The following CACNB2 variants were observed in gnomAD, a reference collection of about 807,000 sequenced individuals.
CACNB2 encodes voltage-dependent L-type calcium channel subunit beta-2.
Under a neutral mutation model 73.3 loss-of-function variants are expected in CACNB2, and 42 were observed. The observed-to-expected ratio is 0.57, with a 90% confidence interval of 0.45 to 0.74. The LOEUF is 0.74. Ranked by LOEUF, CACNB2 falls within the 30% of genes least tolerant of loss-of-function variation. The probability of loss-of-function intolerance (pLI) is 0.00; values close to 1 mark genes in which losing one functional copy is unlikely to be tolerated. For missense variants in CACNB2, 940 were observed against 853.0 expected (o/e 1.10, Z -1.27); for synonymous variants, 348 against 310.3 (o/e 1.12, Z -1.28).
chr10:18,422,659 C>T (rs971464320), intron 3 of CACNB2, among the ~76,000 whole-genome samples: 1 of 151,976 alleles, frequency 6.6e-6, no homozygotes, highest in African/African-American at 2.4e-5. Flanking sequence ...TACAATTTGG[C>T]GTACCTGGGA....
intron 3 of CACNB2, among the ~76,000 whole-genome samples, chr10:18,422,991 C>T (rs2132736519): frequency 6.6e-6 from 1 of 152,318 alleles, no homozygotes; most frequent in Non-Finnish European, 1.5e-5. Flanking sequence ...AGCCACTGCG[C>T]CTGGCCAACA....
chr10:18,362,931 A>G (rs6482355), intron 2 of CACNB2, among the ~76,000 whole-genome samples: 74,932 of 151,854 alleles, frequency 0.49, 19,234 homozygotes, highest in East Asian at 0.91. Flanking sequence ...AAAACAAAAG[A>G]AGGAAAAGGA....
At position 18,141,243 on chromosome 10, in the gene CACNB2, C is replaced by T. The variant is rs535775490; in HGVS notation, c.120+387C>T. The T allele has an allele frequency of 2.2e-6, 3 of 1,389,160 alleles. No homozygotes were observed. The Admixed American group carries it at 5.9e-5, about 27-fold the overall frequency. The allele number at this position is 1,389,160 out of a possible 1,614,324, so 86.1% of individuals were successfully genotyped here. Reference sequence around the variant, plus strand: ...GAGTCCGGGTGGGCGGGAGGGGGCCCGCTTCCCGCAGCGCTTTCTACGATG... The same window carrying T: ...GAGTCCGGGTGGGCGGGAGGGGGCCTGCTTCCCGCAGCGCTTTCTACGATG... On this transcript the variant is annotated intron_variant, in intron 1 of 13. Coordinates refer to ENST00000324631, the MANE Select transcript of CACNB2 (RefSeq NM_201596.3).
At chr10:18,386,067 T>C (rs887854862) in intron 2 of CACNB2, among the ~76,000 whole-genome samples, 2 of 152,244 alleles carry the variant, frequency 1.3e-5, no homozygotes, top group African/African-American at 4.8e-5. Flanking sequence ...TAAGGGGCAA[T>C]GTGTGAGAGG....
At chr10:18,468,241 C>T (rs546768714) in intron 3 of CACNB2, among the ~76,000 whole-genome samples, 14 of 152,272 alleles carry the variant, frequency 9.2e-5, no homozygotes, top group Middle Eastern at 3.4e-3. Context: ...AGGCCGATTT[C>T]TTGAGCTCGA....
At chr10:18,303,546 C>T (rs1211343866) in intron 2 of CACNB2, among the ~76,000 whole-genome samples, 2 of 152,098 alleles carry the variant, frequency 1.3e-5, no homozygotes, top group Non-Finnish European at 2.9e-5. Context: ...AAAAGAAACA[C>T]AATCCAGGGC....
chr10:18,514,486 TTG>T, intron 7 of CACNB2, 117 bp downstream of exon 7: 1 of 1,614,112 alleles, frequency 6.2e-7, no homozygotes, highest in Non-Finnish European at 8.5e-7. Flanking sequence ...GCTCTGTTAT[TTG>T]TTTCTTTTCC....
intron 2 of CACNB2, among the ~76,000 whole-genome samples, chr10:18,329,377 A>G (rs553686995): frequency 6.6e-6 from 1 of 152,264 alleles, no homozygotes; most frequent in Non-Finnish European, 1.5e-5. Context: ...AGTTCCACAA[A>G]CAAAAGAAAA....
chr10:18,192,126 A>G (rs2034425714), intron 2 of CACNB2, among the ~76,000 whole-genome samples: 2 of 152,018 alleles, frequency 1.3e-5, no homozygotes, highest in African/African-American at 4.8e-5. Context: ...CAGCAAATGC[A>G]GAGGCAACAA....
chr10:18,364,177 CTCA>C (rs2042254226), intron 2 of CACNB2, among the ~76,000 whole-genome samples: 1 of 151,938 alleles, frequency 6.6e-6, no homozygotes, highest in Non-Finnish European at 1.5e-5. Context: ...AACTCCTGAC[CTCA>C]GGTGATCAGG....
intron 2 of CACNB2, among the ~76,000 whole-genome samples, chr10:18,299,462 T>G (rs1269874084): frequency 3.3e-5 from 5 of 152,204 alleles, no homozygotes; most frequent in Non-Finnish European, 7.3e-5. Context: ...GCTTTAGGCA[T>G]CAGTTTTGTG....
At chr10:18,421,834 G>A (rs1381007061) in intron 3 of CACNB2, among the ~76,000 whole-genome samples, 2 of 152,162 alleles carry the variant, frequency 1.3e-5, no homozygotes, top group East Asian at 3.8e-4. Context: ...TTTTAGAGTG[G>A]CTGATGCTTG....
At chr10:18,172,947 G>GTTTTTTTTT (rs1554765034) in intron 2 of CACNB2, among the ~76,000 whole-genome samples, 2 of 49,204 alleles carry the variant, frequency 4.1e-5, no homozygotes, top group African/African-American at 9.0e-5. Context: ...TTTAAATGGA[G>GTTTTTTTTT]TTTTACTCTG....
Position 18,313,100 on chromosome 10 carries a change from A to C in CACNB2, c.214-88824A>C, listed in dbSNP as rs1420655187. ...GTGATCATTTTTTATAGTTGCATTT[A>C]GATAAAGAACTGTCCCTAAAAATTA... On this transcript the variant is annotated intron_variant, in intron 2 of 13. Coordinates refer to ENST00000324631, the MANE Select transcript of CACNB2 (RefSeq NM_201596.3). 1.1e-4 allele frequency among the ~76,000 whole-genome samples: 17 copies of C among 152,180 alleles called. 1 individual carries two copies. The highest frequency in any genetic ancestry group is 1.1e-3 in the Admixed American group (17 of 15,274).
chr10:18,458,885 C>T (rs1027600944), intron 3 of CACNB2, among the ~76,000 whole-genome samples: 5 of 151,632 alleles, frequency 3.3e-5, no homozygotes, highest in Non-Finnish European at 7.4e-5. Context: ...CCTGCCTCAG[C>T]CTCCCAGGTA....
chr10:18,239,574 T>C (rs757600348), intron 2 of CACNB2, among the ~76,000 whole-genome samples: 8 of 152,218 alleles, frequency 5.3e-5, no homozygotes, highest in African/African-American at 9.6e-5. Context: ...CAGTCATACA[T>C]TGATGGACAC....
At chr10:18,443,972 C>T (rs920858948) in intron 3 of CACNB2, among the ~76,000 whole-genome samples, 2 of 152,156 alleles carry the variant, frequency 1.3e-5, no homozygotes, top group African/African-American at 2.4e-5. Context: ...GCCTTGGCCT[C>T]CCGAAGTGCT....
intron 2 of CACNB2, among the ~76,000 whole-genome samples, chr10:18,174,451 TG>T (rs377671481): frequency 6.6e-6 from 1 of 151,398 alleles, no homozygotes; most frequent in African/African-American, 2.4e-5. Flanking sequence ...CCGCCCAGGC[TG>T]GAGTGCAATG....
chr10:18,238,987 A>G (rs917178209), intron 2 of CACNB2, among the ~76,000 whole-genome samples: 2 of 152,164 alleles, frequency 1.3e-5, no homozygotes, highest in African/African-American at 4.8e-5. Flanking sequence ...GAGTGTTTTA[A>G]GATTTGATGG....
Sources: allele counts gnomAD v4.1 joint callset (sites outside exome capture counted in the v4.1 genomes callset), GRCh38; gene constraint gnomAD v4.1.1; transcripts MANE v1.5; gene names NCBI Gene and HGNC (gene_info 2026-07-23, HGNC 2026-07-21).